CSTPP1: variants seen among roughly 807,000 people sequenced by gnomAD.
CSTPP1 encodes centriolar satellite-associated tubulin polyglutamylase complex regulator 1.
the CSTPP1 span, among the ~76,000 whole-genome samples, chr11:47,144,139 T>C: frequency 6.6e-6 from 1 of 152,224 alleles, no homozygotes; most frequent in Admixed American, 6.5e-5. Flanking sequence ...AAGATTTCAG[T>C]AACACCAACA....
chr11:47,018,287 C>CTTTT, the CSTPP1 span, among the ~76,000 whole-genome samples: 83 of 82,222 alleles, frequency 1.0e-3, no homozygotes, highest in African/African-American at 1.2e-3. Flanking sequence ...GTATGTTTAG[C>CTTTT]TTTTTTTTTT....
chr11:47,137,071 A>G, the CSTPP1 span, among the ~76,000 whole-genome samples: 12 of 152,308 alleles, frequency 7.9e-5, no homozygotes, highest in East Asian at 9.6e-4. Context: ...TTGGCTTCCT[A>G]TAATAGGATG....
chr11:47,129,854 A>G, the CSTPP1 span, among the ~76,000 whole-genome samples: 4 of 152,180 alleles, frequency 2.6e-5, no homozygotes, highest in Admixed American at 2.6e-4. Context: ...TTGCCATAAA[A>G]TTGTTACTGT....
chr11:47,036,038 T>G, the CSTPP1 span, among the ~76,000 whole-genome samples: 4 of 12,006 alleles, frequency 3.3e-4, 2 homozygotes, highest in African/African-American at 1.4e-3. Context: ...TGAAAAGATA[T>G]ATATATATAT....
the CSTPP1 span, among the ~76,000 whole-genome samples, chr11:46,963,802 A>G: frequency 1.3e-5 from 2 of 149,840 alleles, no homozygotes; most frequent in Middle Eastern, 3.2e-3. Flanking sequence ...AAAAAAAAAG[A>G]TATTAGAAAC....
At chr11:47,127,571 A>AT in the CSTPP1 span, among the ~76,000 whole-genome samples, 4 of 152,190 alleles carry the variant, frequency 2.6e-5, no homozygotes, top group South Asian at 8.3e-4. Context: ...TGCAGGTGCC[A>AT]TCCCACCTGT....
chr11:47,073,952 G>T, the CSTPP1 span, among the ~76,000 whole-genome samples: 1 of 152,138 alleles, frequency 6.6e-6, no homozygotes, highest in African/African-American at 2.4e-5. Context: ...TGTCATCTCT[G>T]TGCACAAGCT....
At chr11:47,134,514 G>A in the CSTPP1 span, among the ~76,000 whole-genome samples, 1 of 152,168 alleles carries the variant, frequency 6.6e-6, no homozygotes, top group African/African-American at 2.4e-5. Context: ...CAAGAGCTGA[G>A]CACAGATCTC....
chr11:47,008,402 A>G, the CSTPP1 span, among the ~76,000 whole-genome samples: 1 of 152,254 alleles, frequency 6.6e-6, no homozygotes, highest in Non-Finnish European at 1.5e-5. Context: ...TACCAGTGAT[A>G]TAATAATACC....
At chr11:46,995,779 G>C in the CSTPP1 span, among the ~76,000 whole-genome samples, 1 of 152,188 alleles carries the variant, frequency 6.6e-6, no homozygotes, top group African/African-American at 2.4e-5. Context: ...GAGTTCTGTA[G>C]ATGTCTACTA....
the CSTPP1 span, among the ~76,000 whole-genome samples, chr11:46,969,969 G>T: frequency 6.6e-6 from 1 of 152,138 alleles, no homozygotes; most frequent in Non-Finnish European, 1.5e-5. Context: ...GTTTCGCCAT[G>T]TTGGCCAGGA....
chr11:47,114,606 G>T, the CSTPP1 span, among the ~76,000 whole-genome samples: 1 of 152,258 alleles, frequency 6.6e-6, no homozygotes, highest in East Asian at 1.9e-4. Flanking sequence ...GTGAATGGGA[G>T]TTCACTCATG....
chr11:47,006,599 T>G, the CSTPP1 span, among the ~76,000 whole-genome samples: 1 of 152,034 alleles, frequency 6.6e-6, no homozygotes, highest in East Asian at 1.9e-4. Context: ...TCTTTTTTTT[T>G]TTTGAGGCAG....
chr11:47,010,742 G>A, the CSTPP1 span, among the ~76,000 whole-genome samples: 1 of 152,108 alleles, frequency 6.6e-6, no homozygotes, highest in Non-Finnish European at 1.5e-5. Context: ...ATGTTATTTG[G>A]TAGTGACTTT....
the CSTPP1 span, among the ~76,000 whole-genome samples, chr11:47,140,956 C>T: frequency 4.5e-4 from 69 of 152,042 alleles, no homozygotes; most frequent in Non-Finnish European, 7.8e-4. Context: ...AAAAAATTAG[C>T]CGGGCGTGTT....
chr11:47,124,172 G>A, the CSTPP1 span, among the ~76,000 whole-genome samples: 1 of 112,002 alleles, frequency 8.9e-6, no homozygotes, highest in African/African-American at 3.5e-5. Context: ...CACCCAGGCT[G>A]GAGTGCAGTG....
chr11:47,094,464 T>G, the CSTPP1 span, among the ~76,000 whole-genome samples: 149,006 of 151,772 alleles, frequency 0.98, 73,203 homozygotes, highest in South Asian at 1. Flanking sequence ...CTCATGTCAA[T>G]CATTCTTACC....
the CSTPP1 span, among the ~76,000 whole-genome samples, chr11:47,012,923 C>G: frequency 6.6e-6 from 1 of 150,830 alleles, no homozygotes; most frequent in Non-Finnish European, 1.5e-5. Flanking sequence ...TGAGAGAGCC[C>G]TTTTATCCTT....
chr11:47,159,561 G>C, the CSTPP1 span: 2 of 451,936 alleles, frequency 4.4e-6, no homozygotes, highest in East Asian at 7.0e-5. Context: ...AGAGTAAGGG[G>C]GAGGCGGGTG....
Sources: gnomAD v4.1 joint callset for allele counts (sites outside exome capture counted in the v4.1 genomes callset) on GRCh38, gnomAD v4.1.1 for gene constraint, MANE v1.5 for transcripts, NCBI Gene and HGNC (gene_info 2026-07-23, HGNC 2026-07-21) for gene names.